ETV3: variants seen among roughly 807,000 people sequenced by gnomAD.
ETV3 encodes ETS translocation variant 3.
A neutral mutation model predicts 33.0 loss-of-function variants in ETV3; 8 were observed. The observed-to-expected ratio is 0.24, with a 90% CI of 0.14 to 0.44. ETV3 has a LOEUF of 0.44. Among genes scored for constraint, ETV3 ranks in the 20% least tolerant of loss-of-function variants. ETV3 has a pLI of 1.00. For synonymous variants in ETV3, 222 were observed against 238.9 expected (o/e 0.93, Z 0.65); for missense variants, 473 against 652.3 (o/e 0.73, Z 2.99).
chr1:157,121,444 C>T lies in ETV3; in HGVS notation c.*3397G>A, dbSNP rs1440294545. On this transcript the variant is annotated 3_prime_UTR_variant, in exon 5 of 5. Transcript: ENST00000368192. ...ATTTTATGTACATATACACACTTTA[C>T]TCTGCTCAAGCAGGTAACTAGTGAA... 1 of 152,038 alleles carries T rather than the reference C, an allele frequency of 6.6e-6. No individual in the cohort carries two copies. The highest frequency in any genetic ancestry group is 1.5e-5 in the Non-Finnish European group (1 of 68,004). The allele number at this position is 152,038 out of a possible 1,614,324, so 9.4% of individuals were successfully genotyped here. A position where few individuals can be genotyped will look rare whatever the true frequency, so the allele number is the denominator to read the frequency against.
intron 4 of ETV3, among the ~76,000 whole-genome samples, chr1:157,127,542 CTTT>C (rs779661847): frequency 8.2e-5 from 11 of 133,520 alleles, no homozygotes; most frequent in Non-Finnish European, 8.1e-5. Context: ...CTTATGTCAA[CTTT>C]TTTTTTTTTT....
In ETV3 at chr1:157,124,823, C is replaced by T; in HGVS notation, c.*18G>A. 2 of 1,318,674 alleles carry T rather than the reference C, an allele frequency of 1.5e-6. No individual in the cohort carries two copies. Among genetic ancestry groups the T allele is most frequent in the Non-Finnish European group, 2.0e-6 (2 of 1,007,174 alleles). 81.7% of individuals were successfully genotyped at this position (1,318,674 alleles called of 1,614,324 possible). The stretch of plus-strand genomic sequence containing the variant: ...GTATTTGATTATAGTATAAACAGCT[C>T]CTAATCCACTTCCAGTTCTAAGCAT... On this transcript the variant is annotated 3_prime_UTR_variant, in exon 5 of 5. Transcript: ENST00000368192.
At chr1:157,134,062 A>G (rs748939441) in intron 4 of ETV3, 50 bp downstream of exon 4, 25 of 1,589,754 alleles carry the variant, frequency 1.6e-5, no homozygotes, top group Non-Finnish European at 2.0e-5. Context: ...ATTTTTAAAA[A>G]TTCTTTTCAA....
At chr1:157,137,592 G>A (rs2103209821) in intron 1 of ETV3, among the ~76,000 whole-genome samples, 1 of 150,888 alleles carries the variant, frequency 6.6e-6, no homozygotes, top group South Asian at 2.1e-4. Flanking sequence ...GCTGAGGCAG[G>A]AGCTTCCTCT....
Position 157,135,584 on chromosome 1 carries a change from C to G in ETV3, c.171G>C (p.Gln57His). 1 of 1,614,118 alleles carries G rather than the reference C, an allele frequency of 6.2e-7. No homozygotes were observed. The highest frequency in any genetic ancestry group is 8.5e-7 in the Non-Finnish European group (1 of 1,179,988). The change falls in exon 3 of 5, where the codon CAG becomes CAC. Residue 57 changes from glutamine to histidine, a missense_variant. Coordinates refer to ENST00000368192, the MANE Select transcript of ETV3 (RefSeq NM_001145312.3). ...KEEFRHVIAW[Q>H]QGEYGEFVIK... Reference sequence around the variant, plus strand: ...TGACAAATTCCCCGTACTCTCCCTGCTGCCAGGCGATGACATGGCGGAACT... The same window carrying G: ...TGACAAATTCCCCGTACTCTCCCTGGTGCCAGGCGATGACATGGCGGAACT...
chr1:157,130,431 T>C (rs1674941531), intron 4 of ETV3, among the ~76,000 whole-genome samples: 1 of 152,216 alleles, frequency 6.6e-6, no homozygotes, highest in Non-Finnish European at 1.5e-5. Flanking sequence ...TTGAATACCA[T>C]TGCTTTAGAA....
rs1674823291 is a variant in ETV3, at chr1:157,125,812, C to T, written c.568G>A (p.Glu190Lys). ...ESSNGTDRKT[E>K]LSELEDGSAA... ...GAGCCATCCTCCAGCTCTGAAAGCT[C>T]AGTCTTTCTATCAGTACCATTACTG... Residue 190 changes from glutamate to lysine, a missense_variant, in exon 5 of 5, where the codon GAG (glutamate) becomes AAG (lysine). Physicochemically the swap from Glu to Lys is moderately conservative, Grantham distance 56. Transcript: ENST00000368192. The surrounding 1 kb of genome is among the most constrained non-coding windows in gnomAD (Gnocchi z 4.0). 1 of 1,551,702 alleles carries T rather than the reference C, an allele frequency of 6.4e-7. No homozygotes were observed. Among genetic ancestry groups the T allele is most frequent in the Non-Finnish European group, 8.7e-7 (1 of 1,146,996 alleles).
intron 2 of ETV3, among the ~76,000 whole-genome samples, 168 bp downstream of exon 2, chr1:157,136,139 T>C (rs907064318): frequency 1.3e-5 from 2 of 152,156 alleles, no homozygotes; most frequent in African/African-American, 4.8e-5. Flanking sequence ...ACCAGACATG[T>C]TAAATATACA....
rs554585686 is a variant in ETV3 at position 157,138,344 on chromosome 1, C to T, written c.-42G>A. ...TTCCCGGCACGGTCCGTCTTCGGTC[C>T]GGTCTCCTCCGCGGCGTCTCCGGCT... On this transcript the variant is annotated 5_prime_UTR_variant, in exon 1 of 5. Transcript: ENST00000368192. 1.3e-5 allele frequency: 2 copies of T among 152,354 alleles called. No homozygotes were observed. Among genetic ancestry groups the T allele is most frequent in the African/African-American group, 2.4e-5 (1 of 41,460 alleles). 9.4% of individuals were successfully genotyped at this position (152,354 alleles called of 1,614,324 possible).
At chr1:157,127,015 C>T (rs1311888881) in intron 4 of ETV3, among the ~76,000 whole-genome samples, 1 of 151,950 alleles carries the variant, frequency 6.6e-6, no homozygotes, top group African/African-American at 2.4e-5. Context: ...GGCAGAGCTG[C>T]CCTGGCTGAC....
chr1:157,134,552 A>G (rs1350284541), intron 3 of ETV3, among the ~76,000 whole-genome samples: 1 of 152,226 alleles, frequency 6.6e-6, no homozygotes, highest in Non-Finnish European at 1.5e-5. Context: ...GTCCGGTTGC[A>G]CTGCATGTCA....
intron 3 of ETV3, 186 bp downstream of exon 3, chr1:157,135,285 C>T: frequency 1.4e-6 from 1 of 699,476 alleles, no homozygotes; most frequent in African/African-American, 1.8e-5. Flanking sequence ...CAAAGATATG[C>T]CTTTTCTCCT....
Position 157,124,755 on chromosome 1 carries a change from C to CT in ETV3, c.*85_*86insA. Reference sequence around the variant, plus strand: ...CTAGAATGATCAAACCAGTTTAACTCCCTCCCCCCCACCCTGAAATCTTGC... The same window carrying CT: ...CTAGAATGATCAAACCAGTTTAACTCTCCTCCCCCCCACCCTGAAATCTTGC... On this transcript the variant is annotated 3_prime_UTR_variant, in exon 5 of 5. Coordinates refer to ENST00000368192, the MANE Select transcript of ETV3 (RefSeq NM_001145312.3). 1.0e-5 allele frequency: 2 copies of CT among 198,242 alleles called. No individual in the cohort carries two copies. The highest frequency in any genetic ancestry group is 1.0e-5 in the Non-Finnish European group (1 of 99,776). The allele number at this position is 198,242 out of a possible 1,614,324, so 12.3% of individuals were successfully genotyped here.
At position 157,125,251 on chromosome 1, in the gene ETV3, G is replaced by C; in HGVS notation, c.1129C>G (p.Pro377Ala). 6.4e-7 allele frequency: 1 copy of C among 1,552,124 alleles called. No individual in the cohort carries two copies. Among genetic ancestry groups the C allele is most frequent in the African/African-American group, 1.4e-5 (1 of 73,150 alleles). ...PVTTPTMASI[P>A]PRIKVEPASE... ...GCAGGTTCCACCTTGATTCTTGGGG[G>C]AATAGAAGCCATGGTGGGCGTGGTG... The change falls in exon 5 of 5, where the codon CCC (proline) becomes GCC (alanine). Residue 377 changes from proline (P) to alanine (A), a missense_variant. Physicochemically the swap from Pro to Ala is conservative, Grantham distance 27 (BLOSUM62 -1). Around this residue, in one of 3 missense-constraint regions of ETV3, gnomAD observed 410 missense variants for 520.2 expected, o/e 0.79. Transcript: ENST00000368192. This position sits in a 1 kb window ranked among gnomAD's most constrained non-coding sequence, Gnocchi z 4.0.
At chr1:157,133,755 A>G in intron 4 of ETV3, 1 of 1,024,524 alleles carries the variant, frequency 9.8e-7, no homozygotes, top group Non-Finnish European at 1.2e-6. Flanking sequence ...ACAGGTTCCC[A>G]TCTATGAAAG....
rs1374449343 is a variant in ETV3, at chr1:157,124,846, C to A, written c.1534G>T (p.Ala512Ser). The change falls in exon 5 of 5, where the codon GCT becomes TCT. Residue 512 changes from alanine to serine, a missense_variant. Physicochemically the swap from Ala to Ser is moderately conservative, Grantham distance 99. Coordinates refer to ENST00000368192, the MANE Select transcript of ETV3 (RefSeq NM_001145312.3). ...CTCCTAATCCACTTCCAGTTCTAAG[C>A]ATCAGCAGCTGCTGTTGCCAAGCCC... ...PQGLATAAAD[A>S] 4.1e-6 allele frequency: 6 copies of A among 1,453,802 alleles called. No homozygotes were observed. In the East Asian group the frequency reaches 1.5e-4, roughly 35 times the overall value. The allele number at this position is 1,453,802 out of a possible 1,614,324, so 90.1% of individuals were successfully genotyped here. A position where few individuals can be genotyped will look rare whatever the true frequency, so the allele number is the denominator to read the frequency against.
chr1:157,127,858 G>A (rs1483659591), intron 4 of ETV3, among the ~76,000 whole-genome samples: 1 of 152,078 alleles, frequency 6.6e-6, no homozygotes, highest in African/African-American at 2.4e-5. Context: ...ATCAACTTTA[G>A]TGGCTCACAG....
chr1:157,123,773 T>C lies in ETV3; in HGVS notation c.*1068A>G, dbSNP rs1674759022. On this transcript the variant is annotated 3_prime_UTR_variant, in exon 5 of 5. Coordinates refer to ENST00000368192, the MANE Select transcript of ETV3 (RefSeq NM_001145312.3). ...CTGTCGATGCCCTTTTACAGGTTTA[T>C]GGTGACAGACCCGTATCATCTTAAA... 6.6e-6 allele frequency: 1 copy of C among 152,230 alleles called. No individual in the cohort carries two copies. Among genetic ancestry groups the C allele is most frequent in the Non-Finnish European group, 1.5e-5 (1 of 68,042 alleles). 9.4% of individuals were successfully genotyped at this position (152,230 alleles called of 1,614,324 possible).
intron 4 of ETV3, among the ~76,000 whole-genome samples, chr1:157,131,305 T>C (rs954960510): frequency 1.3e-5 from 2 of 152,222 alleles, no homozygotes; most frequent in African/African-American, 4.8e-5. Context: ...TAATGTGTTA[T>C]ACAGGATGCT....
Sources: gnomAD v4.1 joint callset for allele counts (sites outside exome capture counted in the v4.1 genomes callset) on GRCh38, gnomAD v4.1.1 for gene constraint, gnomAD v4.1.1 regional missense constraint, Gnocchi (gnomAD v3.1) non-coding constraint, MANE v1.5 for transcripts, NCBI Gene and HGNC (gene_info 2026-07-23, HGNC 2026-07-21) for gene names.